Variants in VMP1 observed in about 807,000 individuals in gnomAD.
The protein encoded by VMP1 is vacuole membrane protein 1.
Under a neutral mutation model 56.0 loss-of-function variants are expected in VMP1, and 11 were observed. The observed-to-expected ratio is 0.20, with a 90% CI of 0.12 to 0.32. The LOEUF (loss-of-function observed/expected upper bound fraction) is 0.32, where lower values mean the gene tolerates loss of function less well. Ranked by LOEUF, VMP1 falls within the 10% of genes least tolerant of loss-of-function variation. The pLI is 1.00. For synonymous variants in VMP1, 149 were observed against 165.0 expected (o/e 0.90, Z 0.74); for missense variants, 296 against 490.3 (o/e 0.60, Z 3.74).
At chr17:59,708,637 T>G (rs1032736487) in intron 1 of VMP1, among the ~76,000 whole-genome samples, 4 of 152,212 alleles carry the variant, frequency 2.6e-5, no homozygotes, top group African/African-American at 9.6e-5. Flanking sequence ...TGTGGACAGA[T>G]TACATTGATC....
At chr17:59,798,757 A>T (rs987602861) in intron 7 of VMP1, among the ~76,000 whole-genome samples, 32 of 152,226 alleles carry the variant, frequency 2.1e-4, no homozygotes, top group Admixed American at 2.0e-4. Context: ...GTGGTGGCGC[A>T]TGCCTGTAAT....
chr17:59,727,369 C>T (rs903517131), intron 1 of VMP1, among the ~76,000 whole-genome samples: 16 of 151,906 alleles, frequency 1.1e-4, no homozygotes, highest in East Asian at 3.9e-4. Context: ...CTCCTGACCT[C>T]GTGATCTGCC....
chr17:59,812,478 A>C (rs961034853), intron 9 of VMP1, among the ~76,000 whole-genome samples: 2 of 152,176 alleles, frequency 1.3e-5, no homozygotes, highest in African/African-American at 4.8e-5. Context: ...AGAAAAGGTT[A>C]ACAATTTAAA....
chr17:59,825,680 G>C (rs7213697), intron 10 of VMP1, among the ~76,000 whole-genome samples: 19,221 of 152,154 alleles, frequency 0.13, 1,469 homozygotes, highest in Middle Eastern at 0.22. Context: ...CTCAATCATT[G>C]AACTTGAGGG....
chr17:59,756,888 T>C (rs933244949), intron 5 of VMP1, among the ~76,000 whole-genome samples: 1 of 152,216 alleles, frequency 6.6e-6, no homozygotes, highest in African/African-American at 2.4e-5. Context: ...CTGTTTTTCT[T>C]GATGAAACAT....
chr17:59,709,741 A>C (rs1031513939), intron 1 of VMP1, among the ~76,000 whole-genome samples: 2 of 152,176 alleles, frequency 1.3e-5, no homozygotes, highest in African/African-American at 4.8e-5. Context: ...GGTTCCTGGA[A>C]AATGAGTATA....
At chr17:59,747,379 A>G (rs923084362) in intron 5 of VMP1, among the ~76,000 whole-genome samples, 15 of 151,134 alleles carry the variant, frequency 9.9e-5, no homozygotes, top group African/African-American at 3.4e-4. Flanking sequence ...GCAACAAAGC[A>G]AGACCCCGGG....
intron 7 of VMP1, among the ~76,000 whole-genome samples, chr17:59,780,112 A>G (rs2036766588): frequency 6.6e-6 from 1 of 152,214 alleles, no homozygotes. Flanking sequence ...GGAAACCAGA[A>G]TGCACACAAT....
intron 6 of VMP1, among the ~76,000 whole-genome samples, chr17:59,768,686 A>G (rs1382364312): frequency 1.3e-5 from 2 of 151,886 alleles, no homozygotes; most frequent in Non-Finnish European, 2.9e-5. Flanking sequence ...CTTACACCAT[A>G]TATAAGAATT....
At position 59,738,947 on chromosome 17, in the gene VMP1, G is replaced by A; in HGVS notation, c.414G>A (p.Leu138=). The A allele has an allele frequency of 1.3e-6, 2 of 1,574,328 alleles. No homozygotes were observed. Among genetic ancestry groups the A allele is most frequent in the East Asian group, 2.3e-5 (1 of 43,306 alleles). Residue 138 remains leucine, a splice_region_variant and synonymous_variant, in exon 5 of 12, where the codon CTG becomes CTA. Coordinates refer to ENST00000262291, the MANE Select transcript of VMP1 (RefSeq NM_030938.5). ...GGCTGCACACCTTTCTGCTTTATCT[G>A]GTAAGAATAATTTTATTTTAATAAG... is the stretch of plus-strand genomic sequence containing the variant. ...GTGLHTFLLY[L]GPHIASVTLA... is the part of the protein sequence containing the mutation.
intron 7 of VMP1, among the ~76,000 whole-genome samples, chr17:59,801,140 G>GTA: frequency 6.8e-6 from 1 of 146,508 alleles, no homozygotes; most frequent in Non-Finnish European, 1.5e-5. Context: ...GTGTGTGTGT[G>GTA]TGTGTGTGTA....
At chr17:59,710,084 C>T (rs576597346) in intron 1 of VMP1, among the ~76,000 whole-genome samples, 55 of 152,174 alleles carry the variant, frequency 3.6e-4, no homozygotes, top group African/African-American at 1.2e-3. Context: ...GTAATCCCAG[C>T]TACTCCGGAG....
intron 7 of VMP1, among the ~76,000 whole-genome samples, chr17:59,799,754 G>A (rs2037572521): frequency 6.6e-6 from 1 of 152,140 alleles, no homozygotes; most frequent in African/African-American, 2.4e-5. Context: ...CCTGAGGTCA[G>A]GAGTTTGAGA....
At chr17:59,784,799 A>G (rs2036950975) in intron 7 of VMP1, 1 of 152,240 alleles carries the variant, frequency 6.6e-6, no homozygotes, top group Non-Finnish European at 1.5e-5. Flanking sequence ...TTTAATAGTC[A>G]TCTGAGAGCA....
At chr17:59,799,298 C>T (rs1036450927) in intron 7 of VMP1, among the ~76,000 whole-genome samples, 5 of 152,008 alleles carry the variant, frequency 3.3e-5, no homozygotes, top group African/African-American at 1.2e-4. Context: ...ATTCTGCTTG[C>T]AGTATTATAG....
At chr17:59,809,678 T>C (rs2037986995) in intron 8 of VMP1, among the ~76,000 whole-genome samples, 1 of 150,820 alleles carries the variant, frequency 6.6e-6, no homozygotes, top group Non-Finnish European at 1.5e-5. Context: ...GGCTAATTTT[T>C]TGTATTTTTA....
intron 1 of VMP1, among the ~76,000 whole-genome samples, chr17:59,718,149 T>C (rs959471493): frequency 6.6e-6 from 1 of 150,502 alleles, no homozygotes; most frequent in Non-Finnish European, 1.5e-5. Context: ...TCCCCAAGAC[T>C]GACTGACTGA....
At chr17:59,768,995 T>A (rs573538817) in intron 6 of VMP1, among the ~76,000 whole-genome samples, 13 of 151,120 alleles carry the variant, frequency 8.6e-5, no homozygotes, top group African/African-American at 3.2e-4. Flanking sequence ...GTGGCGCAGG[T>A]CTGTAATCCC....
At chr17:59,724,998 A>AC (rs2034547945) in intron 1 of VMP1, among the ~76,000 whole-genome samples, 6 of 147,366 alleles carry the variant, frequency 4.1e-5, no homozygotes, top group South Asian at 2.2e-4. Flanking sequence ...AACAAAAAAA[A>AC]CAACAAAAAT....
Sources: allele counts gnomAD v4.1 joint callset (sites outside exome capture counted in the v4.1 genomes callset), GRCh38; gene constraint gnomAD v4.1.1; transcripts MANE v1.5; gene names NCBI Gene and HGNC (gene_info 2026-07-23, HGNC 2026-07-21).